The following PDE4C variants were observed in gnomAD, a reference collection of about 807,000 sequenced individuals.
PDE4C encodes 3',5'-cyclic-AMP phosphodiesterase 4C.
A neutral mutation model predicts 63.9 loss-of-function variants in PDE4C; 50 were observed. That is an observed-to-expected ratio of 0.78 (90% CI 0.62 to 0.99). The LOEUF is 0.99. PDE4C is among the 50% of genes least tolerant of loss of function. The pLI is 0.00. For missense variants in PDE4C, 777 were observed against 899.1 expected, an observed-to-expected ratio of 0.86 and a Z score of 1.74; for synonymous variants, 377 against 385.1, an observed-to-expected ratio of 0.98 and a Z score of 0.25.
intron 1 of PDE4C, among the ~76,000 whole-genome samples, chr19:18,244,320 C>T (rs906336737): frequency 6.8e-6 from 1 of 146,848 alleles, no homozygotes; most frequent in Admixed American, 6.8e-5. Context: ...TTTGAGACGA[C>T]GTCTCACTCT....
intron 1 of PDE4C, among the ~76,000 whole-genome samples, chr19:18,223,049 T>C (rs1371734415): frequency 6.6e-6 from 1 of 151,468 alleles, no homozygotes; most frequent in East Asian, 1.9e-4. Flanking sequence ...AGACGAAATA[T>C]TGCTCTGTTG....
intron 1 of PDE4C, among the ~76,000 whole-genome samples, chr19:18,244,961 G>A (rs900790018): frequency 7.3e-5 from 11 of 151,228 alleles, no homozygotes; most frequent in African/African-American, 1.5e-4. Flanking sequence ...TCAGCATGCC[G>A]AGTAGCTGGG....
upstream of PDE4C, among the ~76,000 whole-genome samples, chr19:18,252,762 C>T (rs928097548): frequency 6.6e-6 from 1 of 151,984 alleles, no homozygotes; most frequent in Non-Finnish European, 1.5e-5. Flanking sequence ...GGATTACAGG[C>T]GTGCATTACC....
intron 1 of PDE4C, among the ~76,000 whole-genome samples, chr19:18,240,860 T>C (rs1166036121): frequency 6.6e-6 from 1 of 152,164 alleles, no homozygotes; most frequent in African/African-American, 2.4e-5. Flanking sequence ...GTGTAAGGGA[T>C]GCAACATAGC....
rs1383493952 is a variant in PDE4C, at chr19:18,221,150, CTCCGAACGGTCCGCAGACTG to C, written c.384_403del (p.Ser129GlnfsTer114). 2.6e-6 allele frequency: 4 copies of C among 1,566,158 alleles called. No homozygotes were observed. Among genetic ancestry groups the C allele is most frequent in the Non-Finnish European group, 3.5e-6 (4 of 1,158,024 alleles). On this transcript the variant is annotated frameshift_variant, in exon 4 of 15. Transcript: ENST00000262805. LOFTEE classifies it high-confidence loss of function. Reference sequence around the variant, plus strand: ...CTGGCGGGCAAGGGCCGCCACGTTGCTCCGAACGGTCCGCAGACTGGCCAGGACCTGTTGGGAGGAGGTGG... The same window carrying C: ...CTGGCGGGCAAGGGCCGCCACGTTGCGCCAGGACCTGTTGGGAGGAGGTGG...
At chr19:18,226,317 A>G in exon 1 of PDE4C, 1 of 1,566,980 alleles carries the variant, frequency 6.4e-7, no homozygotes, top group Non-Finnish European at 8.6e-7. Flanking sequence ...GGATGCTCTG[A>G]TTCACCAAAA....
chr19:18,221,202 GT>G, intron 3 of PDE4C, 24 bp from the exon 4 acceptor site: 1 of 1,566,260 alleles, frequency 6.4e-7, no homozygotes, highest in Admixed American at 2.1e-5. Flanking sequence ...GTGGTAGGCG[GT>G]GGGAAGGAGA....
intron 1 of PDE4C, among the ~76,000 whole-genome samples, chr19:18,246,756 G>A (rs181535943): frequency 2.0e-3 from 310 of 152,094 alleles, no homozygotes; most frequent in African/African-American, 6.8e-3. Context: ...GGAGAAACCC[G>A]TCTCTACTAA....
upstream of PDE4C, chr19:18,250,002 C>T (rs1037733980): frequency 5.0e-6 from 2 of 397,780 alleles, no homozygotes; most frequent in Non-Finnish European, 4.4e-6. Context: ...TGTTTTCACA[C>T]GAGTCCATAA....
chr19:18,222,657 T>TTC (rs138832810), intron 1 of PDE4C, among the ~76,000 whole-genome samples: 2,256 of 82,364 alleles, frequency 0.027, 72 homozygotes, highest in African/African-American at 0.059. Context: ...TTCTCGTTCT[T>TTC]TCTCTCTCTC....
chr19:18,210,694 G>T (rs575340659), exon 15 of PDE4C: 8 of 477,666 alleles, frequency 1.7e-5, no homozygotes, highest in Non-Finnish European at 2.8e-5. Context: ...CCAGGGCATC[G>T]TAAGAGGCTG....
upstream of PDE4C, among the ~76,000 whole-genome samples, chr19:18,249,079 G>A (rs117452659): frequency 2.0e-3 from 298 of 151,234 alleles, no homozygotes; most frequent in Non-Finnish European, 2.9e-3. Context: ...AGGCTGCAGT[G>A]AGCCAAGACT....
upstream of PDE4C, among the ~76,000 whole-genome samples, chr19:18,234,930 T>C (rs1446472652): frequency 6.6e-6 from 1 of 152,164 alleles, no homozygotes; most frequent in Non-Finnish European, 1.5e-5. Context: ...GAACTGACTG[T>C]GGGAGACAAC....
At chr19:18,241,352 C>T (rs1408719069) in intron 1 of PDE4C, among the ~76,000 whole-genome samples, 6 of 144,292 alleles carry the variant, frequency 4.2e-5, no homozygotes, top group Non-Finnish European at 7.5e-5. Flanking sequence ...CTGCAAGCTC[C>T]GCCTCCTAGT....
intron 1 of PDE4C, chr19:18,232,946 C>A: frequency 6.9e-7 from 1 of 1,448,650 alleles, no homozygotes; most frequent in Non-Finnish European, 9.1e-7. Flanking sequence ...CCCCGGCCAC[C>A]TACCGCCTGC....
chr19:18,247,488 G>T (rs897775537), intron 1 of PDE4C, among the ~76,000 whole-genome samples: 2 of 152,138 alleles, frequency 1.3e-5, no homozygotes, highest in Non-Finnish European at 2.9e-5. Flanking sequence ...TAGAGACGGG[G>T]TTTCTCCATG....
chr19:18,233,547 G>A (rs1189108727), exon 1 of PDE4C: 1 of 542,614 alleles, frequency 1.8e-6, no homozygotes, highest in Non-Finnish European at 3.5e-6. Flanking sequence ...AGGACTTGGA[G>A]TGGAGAAGAC....
chr19:18,225,207 A>T lies in PDE4C; in HGVS notation c.146+1063T>A, dbSNP rs907941321. On this transcript the variant is annotated intron_variant, in intron 1 of 14. Transcript: ENST00000262805. Reference sequence around the variant, plus strand: ...GGAACGGCGCGGCTGCCCATTGGCCAGGGGGGTAAACTGAGCCAGGGAGGC... The same window carrying T: ...GGAACGGCGCGGCTGCCCATTGGCCTGGGGGGTAAACTGAGCCAGGGAGGC... Among the ~76,000 whole-genome samples, 18 of 152,190 alleles carry T rather than the reference A, an allele frequency of 1.2e-4. No individual in the cohort carries two copies. In the East Asian group the frequency reaches 3.3e-3, roughly 28 times the overall value.
chr19:18,211,492 G>A (rs1568660015), intron 14 of PDE4C, among the ~76,000 whole-genome samples: 1 of 152,102 alleles, frequency 6.6e-6, no homozygotes, highest in African/African-American at 2.4e-5. Context: ...AACCCCACAG[G>A]GCTGAATGTA....
Sources: gnomAD v4.1 joint callset for allele counts (sites outside exome capture counted in the v4.1 genomes callset) on GRCh38, gnomAD v4.1.1 for gene constraint, MANE v1.5 for transcripts, NCBI Gene and HGNC (gene_info 2026-07-23, HGNC 2026-07-21) for gene names.